Variants in DSG4 observed in about 807,000 individuals in gnomAD.
DSG4 encodes desmoglein 4, also known as desmoglein-4.
In DSG4, 87 loss-of-function variants were observed where a neutral mutation model predicts 93.1. The ratio of observed to expected loss-of-function variants is 0.93; its 90% CI spans 0.79 to 1.12. The LOEUF (loss-of-function observed/expected upper bound fraction) is 1.12. Among genes scored for constraint, DSG4 ranks in the 50% most tolerant of loss-of-function variants. DSG4 has a pLI of 0.00. For missense variants in DSG4, 1,373 were observed against 1,285.7 expected (o/e 1.07, Z -1.04); for synonymous variants, 432 against 452.9 (o/e 0.95, Z 0.59).
intron 1 of DSG4, chr18:31,382,389 T>C (rs1168229337): frequency 1.3e-5 from 2 of 152,234 alleles, no homozygotes; most frequent in African/African-American, 4.8e-5. Flanking sequence ...CCTTGTTCTA[T>C]TCTTTCCCCC....
rs532238864 is a variant in DSG4 at position 31,402,852 on chromosome 18, T to G, written c.1418-564T>G. ...GTTTCAAGTGGATTAGGGAAAAATC[T>G]AATAGACTTATATTTGTTTTCAGAA... On this transcript the variant is annotated intron_variant, in intron 10 of 15. Coordinates refer to ENST00000308128, the MANE Select transcript of DSG4 (RefSeq NM_177986.5). Among the ~76,000 whole-genome samples, 20 of 152,328 alleles carry G rather than the reference T, an allele frequency of 1.3e-4. No individual in the cohort carries two copies. The East Asian group carries it at 3.9e-3, about 29-fold the overall frequency.
chr18:31,386,783 A>G lies in DSG4; in HGVS notation c.180A>G (p.Glu60=). 1 of 1,613,458 alleles carries G rather than the reference A, an allele frequency of 6.2e-7. No homozygotes were observed. Among genetic ancestry groups the G allele is most frequent in the South Asian group, 1.1e-5 (1 of 91,076 alleles). ...EWIKFAAACR[E]GEDNSKRNPI... is the part of the protein sequence containing the mutation. ...TCAAGTTTGCCGCAGCCTGTCGAGA[A>G]GGAGAGGACAACTCGAAGAGGAACC... The change falls in exon 3 of 16, where the codon GAA becomes GAG. Residue 60 remains glutamate (E), a synonymous_variant. Coordinates refer to ENST00000308128, the MANE Select transcript of DSG4 (RefSeq NM_177986.5).
rs756399115 is a variant in DSG4 at position 31,413,093 on chromosome 18, A to G, written c.2621A>G (p.Asn874Ser). 1.4e-5 allele frequency: 23 copies of G among 1,613,984 alleles called. No individual in the cohort carries two copies. The highest frequency in any genetic ancestry group is 1.6e-4 in the Middle Eastern group (1 of 6,084). The change falls in exon 16 of 16, where the codon AAT becomes AGT. Residue 874 changes from asparagine to serine, a missense_variant. By Grantham distance (46) the Asn-to-Ser change is conservative. Coordinates refer to ENST00000308128, the MANE Select transcript of DSG4 (RefSeq NM_177986.5). ...ACTGACCTCCCTTTGCTCGGACCTA[A>G]TTACTTTGTTAATGAATCTTCAGGA... ...ISTDLPLLGP[N>S]YFVNESSGLT...
chr18:31,396,044 T>G (rs1327820976), intron 8 of DSG4, among the ~76,000 whole-genome samples: 1 of 152,070 alleles, frequency 6.6e-6, no homozygotes, highest in Admixed American at 6.5e-5. Context: ...CTCAGAAAAA[T>G]GAAAGTCTCT....
intron 7 of DSG4, among the ~76,000 whole-genome samples, chr18:31,391,620 C>T (rs777509112): frequency 8.6e-5 from 13 of 151,910 alleles, no homozygotes; most frequent in Non-Finnish European, 1.8e-4. Flanking sequence ...AGCATAAAAT[C>T]CACACTAGCA....
chr18:31,388,330 C>T (rs972647567), intron 3 of DSG4, 37 bp from the exon 4 acceptor site: 3 of 1,610,340 alleles, frequency 1.9e-6, no homozygotes, highest in Admixed American at 3.3e-5. Flanking sequence ...ATTATCTGCT[C>T]TAAACTGGAT....
chr18:31,398,035 A>G (rs1437179970), intron 8 of DSG4, among the ~76,000 whole-genome samples: 1 of 150,738 alleles, frequency 6.6e-6, no homozygotes, highest in African/African-American at 2.4e-5. Context: ...TCAAAAAAAA[A>G]AAAAAAAAAA....
chr18:31,407,900 G>A (rs1003769689), intron 12 of DSG4, among the ~76,000 whole-genome samples: 2 of 152,218 alleles, frequency 1.3e-5, no homozygotes, highest in Admixed American at 6.5e-5. Flanking sequence ...TACTCAAGAT[G>A]AGACCAAGCA....
chr18:31,403,292 C>T (rs762196337), intron 10 of DSG4, 124 bp from the exon 11 acceptor site: 12 of 807,914 alleles, frequency 1.5e-5, no homozygotes, highest in Non-Finnish European at 2.3e-5. Flanking sequence ...CGGGCAGGAA[C>T]CTGTCAAGCC....
In DSG4 at chr18:31,399,150, A is replaced by G; in HGVS notation, c.1006-122A>G. The G allele has an allele frequency of 2.2e-6, 3 of 1,333,768 alleles. No homozygotes were observed. In the South Asian group the frequency reaches 4.0e-5, roughly 18 times the overall value. The allele number at this position is 1,333,768 out of a possible 1,614,324, so 82.6% of individuals were successfully genotyped here. A position where few individuals can be genotyped will look rare whatever the true frequency, so the allele number is the denominator to read the frequency against. ...AATAAGTAAAATTTTTTTCAATTCAAAATCTAAACAGCGTATCTCCTGGAC... is the reference window on the plus strand; with the variant it reads ...AATAAGTAAAATTTTTTTCAATTCAGAATCTAAACAGCGTATCTCCTGGAC... On this transcript the variant is annotated intron_variant, in intron 8 of 15. Coordinates refer to ENST00000308128, the MANE Select transcript of DSG4 (RefSeq NM_177986.5).
intron 5 of DSG4, 125 bp from the exon 6 acceptor site, chr18:31,390,531 C>T (rs2072235939): frequency 5.4e-6 from 6 of 1,111,418 alleles, no homozygotes; most frequent in Non-Finnish European, 8.1e-6. Context: ...GTACTATATT[C>T]CCATGGAAAA....
At chr18:31,398,820 T>C (rs1017156529) in intron 8 of DSG4, among the ~76,000 whole-genome samples, 1 of 152,218 alleles carries the variant, frequency 6.6e-6, no homozygotes, top group African/African-American at 2.4e-5. Context: ...TGACATCATA[T>C]ATATTAGCAC....
Position 31,392,263 on chromosome 18 carries a change from C to A in DSG4, c.928C>A (p.Leu310Ile), listed in dbSNP as rs886053705. Residue 310 changes from leucine (L) to isoleucine (I), a missense_variant, in exon 8 of 16, where the codon CTC (leucine) becomes ATC (isoleucine). By Grantham distance (5) the Leu-to-Ile change is conservative. Coordinates refer to ENST00000308128, the MANE Select transcript of DSG4 (RefSeq NM_177986.5). ...TDNWLAQYLILSGNDGNWFDI... is the reference protein window; with the variant it reads ...TDNWLAQYLIISGNDGNWFDI... Reference sequence around the variant, plus strand: ...TAACTGGTTGGCTCAATATTTAATTCTCTCTGGAAATGATGGGAATTGGTT... The same window carrying A: ...TAACTGGTTGGCTCAATATTTAATTATCTCTGGAAATGATGGGAATTGGTT... 6 of 1,613,732 alleles carry A rather than the reference C, an allele frequency of 3.7e-6. No individual in the cohort carries two copies. The highest frequency in any genetic ancestry group is 1.7e-5 in the Admixed American group (1 of 60,000).
At chr18:31,411,068 G>T (rs1014593511) in intron 14 of DSG4, 163 bp from the exon 15 acceptor site, 4 of 1,535,164 alleles carry the variant, frequency 2.6e-6, no homozygotes, top group Non-Finnish European at 3.5e-6. Context: ...TGGTCAACAA[G>T]CCTGGAGATG....
intron 14 of DSG4, 77 bp downstream of exon 14, chr18:31,409,885 A>G (rs963645958): frequency 4.0e-6 from 6 of 1,512,082 alleles, no homozygotes; most frequent in Non-Finnish European, 5.5e-6. Context: ...ATGTAAAAGT[A>G]CCTTATGGAA....
At chr18:31,388,137 C>T (rs1022420815) in intron 3 of DSG4, among the ~76,000 whole-genome samples, 1 of 152,102 alleles carries the variant, frequency 6.6e-6, no homozygotes, top group Non-Finnish European at 1.5e-5. Flanking sequence ...GTATGTTATA[C>T]ACATTACCTC....
Position 31,399,506 on chromosome 18 carries a change from A to G in DSG4, c.1240A>G (p.Ile414Val), listed in dbSNP as rs775595162. Residue 414 changes from isoleucine (I) to valine (V), a missense_variant, in exon 9 of 16, where the codon ATA becomes GTA. By Grantham distance (29) the Ile-to-Val change is conservative. Coordinates refer to ENST00000308128, the MANE Select transcript of DSG4 (RefSeq NM_177986.5). ...LNYVLGTYTA[I>V]DLDTGNPATD... ...TTATGTGCTTGGCACATATACAGCCATAGATTTGGACACAGGAAACCCTGC... is the reference window on the plus strand; with the variant it reads ...TTATGTGCTTGGCACATATACAGCCGTAGATTTGGACACAGGAAACCCTGC... The G allele has an allele frequency of 2.5e-6, 4 of 1,613,952 alleles. No homozygotes were observed. Among genetic ancestry groups the G allele is most frequent in the African/African-American group, 1.3e-5 (1 of 74,930 alleles).
At chr18:31,393,591 G>A (rs1028366286) in intron 8 of DSG4, among the ~76,000 whole-genome samples, 2 of 152,052 alleles carry the variant, frequency 1.3e-5, no homozygotes, top group African/African-American at 2.4e-5. Context: ...TAAACCATTC[G>A]TGAGGGATCT....
At chr18:31,402,817 C>G (rs3848484) in intron 10 of DSG4, among the ~76,000 whole-genome samples, 3 of 152,134 alleles carry the variant, frequency 2.0e-5, no homozygotes, top group Admixed American at 1.3e-4. Context: ...ATTATACTAT[C>G]CAAAAACTTG....
Sources: gnomAD v4.1 joint callset for allele counts (sites outside exome capture counted in the v4.1 genomes callset) on GRCh38, gnomAD v4.1.1 for gene constraint, MANE v1.5 for transcripts, NCBI Gene and HGNC (gene_info 2026-07-23, HGNC 2026-07-21) for gene names.